ATP6V0E1: variants seen among roughly 807,000 people sequenced by gnomAD.
ATP6V0E1 encodes the protein ATPase H+ transporting V0 subunit e1, also known as V-type proton ATPase subunit e 1.
ATP6V0E1 carries 4 observed loss-of-function variants against 11.6 expected under a neutral mutation model. The observed-to-expected ratio is 0.35, with a 90% CI of 0.17 to 0.79. The LOEUF is 0.79. Ranked by LOEUF, ATP6V0E1 falls within the 30% of genes least tolerant of loss-of-function variation. The pLI, the probability that ATP6V0E1 is intolerant of heterozygous loss-of-function variation, is 0.54. For missense variants in ATP6V0E1, 105 were observed against 100.0 expected (o/e 1.05, Z -0.21); for synonymous variants, 36 against 34.8 (o/e 1.04, Z -0.13).
chr5:173,020,837 G>A (rs778165480), intron 3 of ATP6V0E1: 3 of 519,834 alleles, frequency 5.8e-6, no homozygotes, highest in African/African-American at 1.9e-5. Context: ...TTCTGGTGGC[G>A]TCTGGCACTG....
At chr5:172,994,872 G>T in intron 2 of ATP6V0E1, 50 bp downstream of exon 2, 1 of 1,412,104 alleles carries the variant, frequency 7.1e-7, no homozygotes. Flanking sequence ...TAGTGTGTGC[G>T]ATTTACACAT....
chr5:172,985,244 C>CAAA (rs59381222), intron 1 of ATP6V0E1, among the ~76,000 whole-genome samples: 1 of 89,432 alleles, frequency 1.1e-5, no homozygotes, highest in Non-Finnish European at 2.6e-5. Context: ...GACTCCGTCT[C>CAAA]AAAAAAAAAA....
intron 2 of ATP6V0E1, among the ~76,000 whole-genome samples, chr5:173,001,155 A>G (rs1043628988): frequency 3.9e-5 from 6 of 152,288 alleles, no homozygotes; most frequent in African/African-American, 1.4e-4. Context: ...TAGGCACTGG[A>G]TCTGGACACT....
At chr5:172,994,524 T>A (rs1404815281) in intron 1 of ATP6V0E1, among the ~76,000 whole-genome samples, 1 of 152,180 alleles carries the variant, frequency 6.6e-6, no homozygotes, top group Admixed American at 6.6e-5. Context: ...TTCAGATAAA[T>A]TTGGATTGGA....
chr5:173,010,741 T>A (rs985767229), intron 2 of ATP6V0E1, among the ~76,000 whole-genome samples: 1 of 152,164 alleles, frequency 6.6e-6, no homozygotes, highest in African/African-American at 2.4e-5. Context: ...GGAGGGACAG[T>A]GGATCAGAAG....
chr5:172,987,626 G>A (rs997360492), intron 1 of ATP6V0E1, among the ~76,000 whole-genome samples: 2 of 152,034 alleles, frequency 1.3e-5, no homozygotes, highest in Non-Finnish European at 2.9e-5. Context: ...AGAATGAAGT[G>A]TTGTCTTGGA....
rs200801796 is a variant in ATP6V0E1, at chr5:173,024,217, G to A, written c.*36+3850G>A. Among the ~76,000 whole-genome samples the A allele has an allele frequency of 2.2e-3, 286 of 129,436 alleles. 1 individual carries two copies. Among genetic ancestry groups the A allele is most frequent in the East Asian group, 7.0e-3 (29 of 4,160 alleles). The allele number at this position is 129,436 out of a possible 152,430, so 84.9% of individuals were successfully genotyped here. A position where few individuals can be genotyped will look rare whatever the true frequency, so the allele number is the denominator to read the frequency against. ...CGTCTCAAAAAAAAAAAAAAAAAAA[G>A]AAAGAAATACAGATCATACAAAAAT... is the stretch of plus-strand genomic sequence containing the variant. On this transcript the variant is annotated intron_variant, in intron 3 of 3. Coordinates refer to ENST00000519374, the MANE Select transcript of ATP6V0E1 (RefSeq NM_003945.4).
intron 3 of ATP6V0E1, among the ~76,000 whole-genome samples, chr5:173,024,320 A>G (rs1004705760): frequency 1.3e-5 from 2 of 151,982 alleles, no homozygotes; most frequent in Non-Finnish European, 2.9e-5. Flanking sequence ...AGGGTATTCA[A>G]TGAGATTTTT....
At chr5:173,013,154 C>A (rs1221396839) in intron 2 of ATP6V0E1, among the ~76,000 whole-genome samples, 1 of 151,878 alleles carries the variant, frequency 6.6e-6, no homozygotes, top group Non-Finnish European at 1.5e-5. Context: ...TCCAGTCCAG[C>A]CTGGGCAACA....
At chr5:173,018,347 G>T (rs778025441) in intron 2 of ATP6V0E1, among the ~76,000 whole-genome samples, 8 of 152,182 alleles carry the variant, frequency 5.3e-5, no homozygotes, top group Non-Finnish European at 1.2e-4. Context: ...TCTTCACACT[G>T]AGTAGGCTGA....
At chr5:173,021,833 G>C (rs1383852105) in intron 3 of ATP6V0E1, among the ~76,000 whole-genome samples, 1 of 152,192 alleles carries the variant, frequency 6.6e-6, no homozygotes, top group Non-Finnish European at 1.5e-5. Flanking sequence ...TGGATCACGA[G>C]GTCACGAGAT....
At chr5:173,010,993 C>T (rs1756311205) in intron 2 of ATP6V0E1, among the ~76,000 whole-genome samples, 1 of 152,076 alleles carries the variant, frequency 6.6e-6, no homozygotes, top group South Asian at 2.1e-4. Context: ...AGTATGAAGG[C>T]ACCCATGCAT....
chr5:173,009,403 T>G (rs988139902), intron 2 of ATP6V0E1, among the ~76,000 whole-genome samples: 8 of 143,760 alleles, frequency 5.6e-5, no homozygotes, highest in African/African-American at 7.7e-5. Flanking sequence ...ATCTCAAAGA[T>G]AAAAACAAAA....
At chr5:172,994,506 T>G (rs1756031655) in intron 1 of ATP6V0E1, among the ~76,000 whole-genome samples, 1 of 152,230 alleles carries the variant, frequency 6.6e-6, no homozygotes, top group Non-Finnish European at 1.5e-5. Context: ...CGGCCTTTCC[T>G]GTTCAGTTTC....
chr5:173,029,428 T>G (rs545538004), intron 3 of ATP6V0E1, among the ~76,000 whole-genome samples: 1 of 152,184 alleles, frequency 6.6e-6, no homozygotes, highest in Non-Finnish European at 1.5e-5. Context: ...GCTCTCATTA[T>G]GTCTCTTGTG....
chr5:172,985,807 CAT>C (rs1342832959), intron 1 of ATP6V0E1, among the ~76,000 whole-genome samples: 1 of 152,178 alleles, frequency 6.6e-6, no homozygotes, highest in African/African-American at 2.4e-5. Context: ...GATATATAGA[CAT>C]GTGTCACTTA....
chr5:173,002,609 A>G (rs1375129858), intron 2 of ATP6V0E1, among the ~76,000 whole-genome samples: 1 of 152,210 alleles, frequency 6.6e-6, no homozygotes, highest in Non-Finnish European at 1.5e-5. Flanking sequence ...AGGGGTACAT[A>G]ATGTCTGATT....
At chr5:173,018,305 G>A (rs1756433650) in intron 2 of ATP6V0E1, among the ~76,000 whole-genome samples, 1 of 152,178 alleles carries the variant, frequency 6.6e-6, no homozygotes, top group Non-Finnish European at 1.5e-5. Flanking sequence ...TTAAGTGGAA[G>A]TGGATGAGCA....
At chr5:172,986,320 C>A (rs576486744) in intron 1 of ATP6V0E1, among the ~76,000 whole-genome samples, 72 of 152,258 alleles carry the variant, frequency 4.7e-4, no homozygotes, top group African/African-American at 1.7e-3. Flanking sequence ...CTTTTTGACT[C>A]TTGTACTAAC....
Sources: allele counts gnomAD v4.1 joint callset (sites outside exome capture counted in the v4.1 genomes callset), GRCh38; gene constraint gnomAD v4.1.1; transcripts MANE v1.5; gene names NCBI Gene and HGNC (gene_info 2026-07-23, HGNC 2026-07-21).